MOG: variants seen among roughly 807,000 people sequenced by gnomAD.
MOG encodes myelin oligodendrocyte glycoprotein.
In MOG, 20 loss-of-function variants were observed where a neutral mutation model predicts 35.9. The observed-to-expected ratio is 0.56, with a 90% CI of 0.39 to 0.81. The LOEUF is 0.81. Ranked by LOEUF, MOG falls within the 30% of genes least tolerant of loss-of-function variation. The pLI is 0.00. For synonymous variants in MOG, 92 were observed against 114.3 expected (o/e 0.80, Z 1.25); for missense variants, 251 against 301.0 (o/e 0.83, Z 1.23).
At chr6:29,658,861 C>T (rs1583081366) in intron 1 of MOG, among the ~76,000 whole-genome samples, 1 of 152,300 alleles carries the variant, frequency 6.6e-6, no homozygotes, top group East Asian at 1.9e-4. Flanking sequence ...TGCCCATAAT[C>T]CCAGCGCTTT....
Position 29,657,209 on chromosome 6 carries a change from G to A in MOG, c.-1G>A, listed in dbSNP as rs1295571430. On this transcript the variant is annotated 5_prime_UTR_variant, in exon 1 of 8. Coordinates refer to ENST00000376917, the MANE Select transcript of MOG (RefSeq NM_206809.4). ...GCTCTCTGTCCCCAGGAACAGTAGA[G>A]ATGGCAAGCTTATCAAGACCCTCTC... The A allele has an allele frequency of 2.4e-5, 39 of 1,608,478 alleles. No individual in the cohort carries two copies. Among genetic ancestry groups the A allele is most frequent in the Non-Finnish European group, 3.2e-5 (38 of 1,176,284 alleles).
At chr6:29,667,463 A>G (rs1453314797) in intron 3 of MOG, among the ~76,000 whole-genome samples, 180 bp from the exon 4 acceptor site, 2 of 152,064 alleles carry the variant, frequency 1.3e-5, no homozygotes, top group Admixed American at 1.3e-4. Context: ...TATCTAGACT[A>G]TAGCTAGAGA....
intron 2 of MOG, among the ~76,000 whole-genome samples, chr6:29,665,577 T>C (rs543232091): frequency 6.6e-6 from 1 of 152,298 alleles, no homozygotes; most frequent in South Asian, 2.1e-4. Context: ...CCATTACCAC[T>C]GTCCTAGTTC....
At position 29,670,428 on chromosome 6, in the gene MOG, C is replaced by G. The variant is rs1408524790; in HGVS notation, c.709+31C>G. ...GTGGCTGGGCAGCAGGCAAGACCAC[C>G]AAATAGTGGGGGACCAAGTCAGCTC... On this transcript the variant is annotated intron_variant, in intron 6 of 7. Coordinates refer to ENST00000376917, the MANE Select transcript of MOG (RefSeq NM_206809.4). The surrounding 1 kb of genome is among the most constrained non-coding windows in gnomAD (Gnocchi z 4.2). 6.3e-7 allele frequency: 1 copy of G among 1,599,338 alleles called. No individual in the cohort carries two copies. The highest frequency in any genetic ancestry group is 8.6e-7 in the Non-Finnish European group (1 of 1,167,088).
At chr6:29,660,547 CCTGT>C (rs924958500) in intron 2 of MOG, among the ~76,000 whole-genome samples, 1 of 121,482 alleles carries the variant, frequency 8.2e-6, no homozygotes, top group African/African-American at 2.9e-5. Context: ...AAAAAAAAAC[CCTGT>C]ATTTGTGAGC....
At chr6:29,665,677 G>C (rs952625680) in intron 2 of MOG, among the ~76,000 whole-genome samples, 4 of 151,712 alleles carry the variant, frequency 2.6e-5, no homozygotes, top group African/African-American at 9.7e-5. Context: ...TAAATCTGAC[G>C]TGGTCACTTC....
Position 29,659,318 on chromosome 6 carries a change from G to C in MOG, c.89-1G>C. The C allele has an allele frequency of 6.2e-7, 1 of 1,612,936 alleles. No individual in the cohort carries two copies. Among genetic ancestry groups the C allele is most frequent in the East Asian group, 2.2e-5 (1 of 44,876 alleles). ...TCTCTTCCTTTTGGTGTCTTGGACA[G>C]GGCAGTTCAGAGTGATAGGACCAAG... On this transcript the variant is annotated splice_acceptor_variant, in intron 1 of 7. Transcript: ENST00000376917. LOFTEE classifies it high-confidence loss of function.
intron 2 of MOG, among the ~76,000 whole-genome samples, chr6:29,664,244 G>A (rs1769650063): frequency 7.0e-6 from 1 of 143,212 alleles, no homozygotes; most frequent in Non-Finnish European, 1.5e-5. Context: ...TTTTGCTCTT[G>A]TTACCCAGGC....
rs1771223466 is a variant in MOG, at chr6:29,670,481, C to G, written c.709+84C>G. Reference sequence around the variant, plus strand: ...AATGGGAAGCCAAAAGAGAATAGAACCAGGACTCAAGATTAGGGGAGCTGG... The same window carrying G: ...AATGGGAAGCCAAAAGAGAATAGAAGCAGGACTCAAGATTAGGGGAGCTGG... On this transcript the variant is annotated intron_variant, in intron 6 of 7. Transcript: ENST00000376917. The surrounding 1 kb of genome is among the most constrained non-coding windows in gnomAD (Gnocchi z 4.2). 3.3e-6 allele frequency: 5 copies of G among 1,517,450 alleles called. No homozygotes were observed. The highest frequency in any genetic ancestry group is 4.6e-6 in the Non-Finnish European group (5 of 1,094,500). 94.0% of individuals were successfully genotyped at this position (1,517,450 alleles called of 1,614,324 possible).
chr6:29,667,672 C>T lies in MOG; in HGVS notation c.571+9C>T. 6.2e-7 allele frequency: 1 copy of T among 1,613,946 alleles called. No individual in the cohort carries two copies. Among genetic ancestry groups the T allele is most frequent in the South Asian group, 1.1e-5 (1 of 91,064 alleles). ...ACTTCGAGCAGAGATAGGTGAGTTC[C>T]AGTCATCGTTTCTCCCAATTCTTGC... On this transcript the variant is annotated intron_variant, in intron 4 of 7. Transcript: ENST00000376917.
In MOG at chr6:29,670,657, A is replaced by G. The variant is rs1122947; in HGVS notation, c.710-44A>G. ...ATAGGGAGGATGTGGGGAAGGTGCT[A>G]TTCATCTTCCACTAATCACATATTT... is the stretch of plus-strand genomic sequence containing the variant. On this transcript the variant is annotated intron_variant, in intron 6 of 7. Coordinates refer to ENST00000376917, the MANE Select transcript of MOG (RefSeq NM_206809.4). This position sits in a 1 kb window ranked among gnomAD's most constrained non-coding sequence, Gnocchi z 4.2. 271,750 of 1,607,466 alleles carry G rather than the reference A, an allele frequency of 0.17. 24,231 individuals are homozygous for G. Among genetic ancestry groups the G allele is most frequent in the Admixed American group, 0.23 (13,693 of 59,184 alleles).
intron 2 of MOG, among the ~76,000 whole-genome samples, chr6:29,663,066 G>A (rs1478638002): frequency 6.6e-6 from 1 of 152,138 alleles, no homozygotes; most frequent in Admixed American, 6.5e-5. Context: ...TCAAGAGATT[G>A]AGACCATCCT....
intron 5 of MOG, among the ~76,000 whole-genome samples, chr6:29,668,813 G>C (rs1027042347): frequency 3.0e-4 from 46 of 152,110 alleles, no homozygotes; most frequent in Non-Finnish European, 2.5e-4. Flanking sequence ...CCCCTTTGCA[G>C]AATGTTTTTA....
intron 2 of MOG, among the ~76,000 whole-genome samples, chr6:29,663,471 C>T (rs1434823729): frequency 6.6e-6 from 1 of 152,114 alleles, no homozygotes; most frequent in Non-Finnish European, 1.5e-5. Flanking sequence ...TGAGACCCAC[C>T]TGTTGACCTT....
At chr6:29,663,146 G>A (rs1404483147) in intron 2 of MOG, among the ~76,000 whole-genome samples, 1 of 151,508 alleles carries the variant, frequency 6.6e-6, no homozygotes, top group East Asian at 1.9e-4. Flanking sequence ...GGTGGCAGGC[G>A]CCTGTAGTCC....
Position 29,662,483 on chromosome 6 carries a change from C to CAA in MOG, c.436+2828_436+2829dup, listed in dbSNP as rs9280631. Among the ~76,000 whole-genome samples the CAA allele has an allele frequency of 2.8e-4, 39 of 140,086 alleles. No individual in the cohort carries two copies. Among genetic ancestry groups the CAA allele is most frequent in the African/African-American group, 7.2e-4 (28 of 38,628 alleles). The allele number at this position is 140,086 out of a possible 152,430, so 91.9% of individuals were successfully genotyped here. A position where few individuals can be genotyped will look rare whatever the true frequency, so the allele number is the denominator to read the frequency against. On this transcript the variant is annotated intron_variant, in intron 2 of 7. Coordinates refer to ENST00000376917, the MANE Select transcript of MOG (RefSeq NM_206809.4). This position sits in a 1 kb window ranked among gnomAD's most constrained non-coding sequence, Gnocchi z 4.2. ...GGGCAACAAGAGCAAAACTCTGTCT[C>CAA]AAAAAAAAAAAACCACATACAAACC...
chr6:29,667,262 C>CTACT (rs1322084823), intron 3 of MOG, among the ~76,000 whole-genome samples: 1 of 152,182 alleles, frequency 6.6e-6, no homozygotes, highest in African/African-American at 2.4e-5. Flanking sequence ...AAGTAGCTAG[C>CTACT]TACTCACTAA....
rs2127506507 is a variant in MOG at position 29,662,423 on chromosome 6, C to T, written c.436+2757C>T. 6.6e-6 allele frequency among the ~76,000 whole-genome samples: 1 copy of T among 151,528 alleles called. No individual in the cohort carries two copies. The highest frequency in any genetic ancestry group is 2.1e-4 in the South Asian group (1 of 4,772). On this transcript the variant is annotated intron_variant, in intron 2 of 7. Coordinates refer to ENST00000376917, the MANE Select transcript of MOG (RefSeq NM_206809.4). The surrounding 1 kb of genome is among the most constrained non-coding windows in gnomAD (Gnocchi z 4.2). ...CGCTTGAACCGGGAGGCAGAGGTTG[C>T]GGTGAGCCAAGATCGCGCCATTGCA...
chr6:29,670,557 A>T lies in MOG; in HGVS notation c.710-144A>T. 4 of 1,547,196 alleles carry T rather than the reference A, an allele frequency of 2.6e-6. No individual in the cohort carries two copies. The highest frequency in any genetic ancestry group is 3.5e-6 in the Non-Finnish European group (4 of 1,131,358). On this transcript the variant is annotated intron_variant, in intron 6 of 7. Coordinates refer to ENST00000376917, the MANE Select transcript of MOG (RefSeq NM_206809.4). The surrounding 1 kb of genome is among the most constrained non-coding windows in gnomAD (Gnocchi z 4.2). ...GCCCAACCCCAGGCTCTTCTGAGAA[A>T]CTGTGAAGAGAACCACTTACTGGAT... is the stretch of plus-strand genomic sequence containing the variant.
Sources: gnomAD v4.1 joint callset for allele counts (sites outside exome capture counted in the v4.1 genomes callset) on GRCh38, gnomAD v4.1.1 for gene constraint, Gnocchi (gnomAD v3.1) non-coding constraint, MANE v1.5 for transcripts, NCBI Gene and HGNC (gene_info 2026-07-23, HGNC 2026-07-21) for gene names.